Variants in RALYL observed in about 807,000 individuals in gnomAD.
The protein encoded by RALYL is RNA-binding Raly-like protein.
RALYL carries 29 observed loss-of-function variants against 35.1 expected under a neutral mutation model. The ratio of observed to expected loss-of-function variants is 0.83; its 90% CI spans 0.61 to 1.13. The LOEUF (loss-of-function observed/expected upper bound fraction) is 1.13. Ranked by LOEUF, RALYL falls within the 50% of genes most tolerant of loss-of-function variation. RALYL has a pLI of 0.00. For synonymous variants in RALYL, 120 were observed against 127.6 expected, an observed-to-expected ratio of 0.94 and a Z score of 0.40; for missense variants, 359 against 360.4, an observed-to-expected ratio of 1.00 and a Z score of 0.03.
intron 1 of RALYL, among the ~76,000 whole-genome samples, chr8:84,249,085 CTG>C (rs1459421039): frequency 6.6e-6 from 1 of 151,906 alleles, no homozygotes; most frequent in African/African-American, 2.4e-5. Flanking sequence ...TTAAAAAGAA[CTG>C]TGTTGGCAAT....
At chr8:84,417,605 G>A (rs73306307) in intron 1 of RALYL, among the ~76,000 whole-genome samples, 4,447 of 151,386 alleles carry the variant, frequency 0.029, 218 homozygotes, top group African/African-American at 0.1. Flanking sequence ...TGGGACTGTA[G>A]TCACCTCTCT....
intron 2 of RALYL, among the ~76,000 whole-genome samples, chr8:84,619,415 C>T (rs528388017): frequency 1.3e-5 from 2 of 149,070 alleles, no homozygotes; most frequent in African/African-American, 5.0e-5. Context: ...AGGATTGCAA[C>T]CCCTGCCTTT....
At chr8:84,884,260 T>C (rs989066353) in intron 7 of RALYL, among the ~76,000 whole-genome samples, 34 of 151,978 alleles carry the variant, frequency 2.2e-4, no homozygotes, top group Admixed American at 1.6e-3. Flanking sequence ...GAGAAAACAG[T>C]AGAACTAACT....
At chr8:84,531,714 A>G (rs2059287332) in intron 2 of RALYL, among the ~76,000 whole-genome samples, 1 of 152,076 alleles carries the variant, frequency 6.6e-6, no homozygotes, top group African/African-American at 2.4e-5. Flanking sequence ...TGTTGTTTGA[A>G]AAATTAATTA....
intron 2 of RALYL, among the ~76,000 whole-genome samples, chr8:84,673,436 A>G (rs960305105): frequency 8.6e-4 from 130 of 151,840 alleles, no homozygotes; most frequent in African/African-American, 3.0e-3. Flanking sequence ...TTGTCATGCA[A>G]TTTTTGCTCG....
chr8:84,229,922 T>G (rs1824924472), intron 1 of RALYL, among the ~76,000 whole-genome samples: 1 of 152,186 alleles, frequency 6.6e-6, no homozygotes, highest in African/African-American at 2.4e-5. Flanking sequence ...AGATTGCTTG[T>G]AGAATTAAAA....
intron 8 of RALYL, among the ~76,000 whole-genome samples, chr8:84,904,224 C>T (rs1187877204): frequency 6.6e-6 from 1 of 151,870 alleles, no homozygotes; most frequent in Admixed American, 6.6e-5. Context: ...TCAGACTTGT[C>T]CATTAAAAGG....
chr8:84,697,023 A>T (rs142471059), intron 2 of RALYL, among the ~76,000 whole-genome samples: 2 of 152,014 alleles, frequency 1.3e-5, no homozygotes, highest in African/African-American at 4.8e-5. Flanking sequence ...TAGCTCATCA[A>T]TGTAGTGTAA....
At chr8:84,225,156 CT>C (rs1433367608) in intron 1 of RALYL, among the ~76,000 whole-genome samples, 2 of 152,160 alleles carry the variant, frequency 1.3e-5, no homozygotes, top group Non-Finnish European at 1.5e-5. Context: ...CTCTTATTTT[CT>C]GATACAGAAG....
At chr8:84,663,920 G>A (rs569881425) in intron 2 of RALYL, among the ~76,000 whole-genome samples, 13 of 152,046 alleles carry the variant, frequency 8.6e-5, no homozygotes, top group Non-Finnish European at 1.6e-4. Context: ...TACTGCATAG[G>A]TTTTCTTCTG....
intron 2 of RALYL, among the ~76,000 whole-genome samples, chr8:84,529,991 G>A (rs1014597998): frequency 6.6e-6 from 1 of 152,132 alleles, no homozygotes; most frequent in Non-Finnish European, 1.5e-5. Context: ...TTTTGGAGGA[G>A]AAGGGGTAGA....
chr8:84,384,530 A>G (rs1858746067), intron 1 of RALYL, among the ~76,000 whole-genome samples: 1 of 151,762 alleles, frequency 6.6e-6, no homozygotes, highest in Admixed American at 6.6e-5. Context: ...TACACATTTC[A>G]AGGACCATTA....
At chr8:84,840,935 C>T (rs1334379040) in intron 4 of RALYL, among the ~76,000 whole-genome samples, 1 of 152,070 alleles carries the variant, frequency 6.6e-6, no homozygotes, top group Non-Finnish European at 1.5e-5. Context: ...TTTGTCACCA[C>T]CAGGCCTGCC....
chr8:84,912,654 G>A (rs966215024), intron 8 of RALYL, among the ~76,000 whole-genome samples: 1 of 151,976 alleles, frequency 6.6e-6, no homozygotes, highest in Admixed American at 6.6e-5. Context: ...AATCAAAATA[G>A]TTCCCAGTGC....
intron 1 of RALYL, among the ~76,000 whole-genome samples, chr8:84,478,392 G>A (rs2053656176): frequency 6.6e-6 from 1 of 152,110 alleles, no homozygotes; most frequent in Non-Finnish European, 1.5e-5. Flanking sequence ...CTGACAGAAG[G>A]CAGCAATTGA....
chr8:84,450,884 A>C (rs1037786704), intron 1 of RALYL, among the ~76,000 whole-genome samples: 3 of 152,038 alleles, frequency 2.0e-5, no homozygotes, highest in African/African-American at 7.2e-5. Context: ...ACATTAAAAA[A>C]TTGATAATAA....
intron 4 of RALYL, among the ~76,000 whole-genome samples, chr8:84,815,089 A>T (rs912654303): frequency 6.6e-6 from 1 of 152,208 alleles, no homozygotes; most frequent in Non-Finnish European, 1.5e-5. Context: ...AATCTTCGAA[A>T]TGTAATGTCC....
At chr8:84,271,795 A>G (rs1586682425) in intron 1 of RALYL, among the ~76,000 whole-genome samples, 1 of 152,130 alleles carries the variant, frequency 6.6e-6, no homozygotes, top group African/African-American at 2.4e-5. Context: ...AGGCAAAGCT[A>G]TAGGGACAGA....
At chr8:84,774,718 A>G (rs1816418055) in intron 3 of RALYL, 64 bp downstream of exon 3, 1 of 1,053,542 alleles carries the variant, frequency 9.5e-7, no homozygotes, top group Non-Finnish European at 1.4e-6. Context: ...TTTATAAGGC[A>G]ATATAACTTG....
Sources: gnomAD v4.1 joint callset for allele counts (sites outside exome capture counted in the v4.1 genomes callset) on GRCh38, gnomAD v4.1.1 for gene constraint, MANE v1.5 for transcripts, NCBI Gene and HGNC (gene_info 2026-07-23, HGNC 2026-07-21) for gene names.